SRPK1: variants seen among roughly 807,000 people sequenced by gnomAD.
SRPK1 encodes the protein SFRS protein kinase 1.
SRPK1 carries 52 observed loss-of-function variants against 89.5 expected under a neutral mutation model. The ratio of observed to expected loss-of-function variants is 0.58; its 90% CI spans 0.46 to 0.73. SRPK1 has a LOEUF of 0.73. Ranked by LOEUF, SRPK1 falls within the 30% of genes least tolerant of loss-of-function variation. The pLI, the probability that SRPK1 is intolerant of heterozygous loss-of-function variation, is 0.00. For synonymous variants in SRPK1, 255 were observed against 270.2 expected (o/e 0.94, Z 0.55); for missense variants, 603 against 780.6 (o/e 0.77, Z 2.71).
At chr6:35,860,027 A>T (rs1174459409) in intron 12 of SRPK1, among the ~76,000 whole-genome samples, 8 of 147,810 alleles carry the variant, frequency 5.4e-5, no homozygotes, top group African/African-American at 2.0e-4. Context: ...CCTGGCTAAT[A>T]TTTTTTTTTT....
chr6:35,891,145 A>G, intron 2 of SRPK1, 132 bp from the exon 3 acceptor site: 1 of 1,056,224 alleles, frequency 9.5e-7, no homozygotes, highest in Non-Finnish European at 1.3e-6. Flanking sequence ...GCAGCCTAGG[A>G]AAATATTAGC....
intron 2 of SRPK1, among the ~76,000 whole-genome samples, chr6:35,906,001 C>T (rs1770839721): frequency 6.6e-6 from 1 of 151,994 alleles, no homozygotes; most frequent in South Asian, 2.1e-4. Flanking sequence ...CTCCAAATAC[C>T]ATTTCCCACT....
intron 10 of SRPK1, 84 bp downstream of exon 10, chr6:35,870,197 G>GT: frequency 8.3e-7 from 1 of 1,200,204 alleles, no homozygotes; most frequent in Non-Finnish European, 1.2e-6. Flanking sequence ...TGTGTTGTAT[G>GT]TATGAAACCA....
Position 35,838,571 on chromosome 6 carries a change from G to A in SRPK1, c.1691-142C>T, listed in dbSNP as rs1459793608. ...CAGGCTTACTTTCTATCCTAAATGG[G>A]AAGAGGAAGACTCTATCCATCTAAT... is the stretch of plus-strand genomic sequence containing the variant. On this transcript the variant is annotated intron_variant, in intron 14 of 15. Coordinates refer to ENST00000373825, the MANE Select transcript of SRPK1 (RefSeq NM_003137.5). 2.9e-6 allele frequency: 4 copies of A among 1,389,020 alleles called. No individual in the cohort carries two copies. In the Admixed American group the frequency reaches 6.7e-5, roughly 23 times the overall value. 86.0% of individuals were successfully genotyped at this position (1,389,020 alleles called of 1,614,324 possible).
At chr6:35,845,123 G>A (rs186650953) in intron 13 of SRPK1, among the ~76,000 whole-genome samples, 5 of 152,300 alleles carry the variant, frequency 3.3e-5, no homozygotes, top group South Asian at 2.1e-4. Flanking sequence ...GGTTGCCAGC[G>A]AGTGGGGGAC....
chr6:35,840,051 C>T (rs565275651), intron 14 of SRPK1, among the ~76,000 whole-genome samples: 2 of 152,184 alleles, frequency 1.3e-5, no homozygotes, highest in African/African-American at 4.8e-5. Flanking sequence ...AAGCGATCCA[C>T]CCACCTCAGC....
intron 2 of SRPK1, among the ~76,000 whole-genome samples, chr6:35,900,071 T>C (rs899965811): frequency 7.3e-5 from 11 of 151,430 alleles, no homozygotes; most frequent in Non-Finnish European, 1.5e-4. Context: ...TTGTAAAATG[T>C]AGGGGAACCA....
intron 14 of SRPK1, among the ~76,000 whole-genome samples, chr6:35,839,448 C>G (rs1345471260): frequency 6.6e-6 from 1 of 152,244 alleles, no homozygotes; most frequent in Non-Finnish European, 1.5e-5. Flanking sequence ...CTTTTAATTT[C>G]TTCCTAAAAT....
At chr6:35,836,143 C>G (rs1769173746) in intron 15 of SRPK1, among the ~76,000 whole-genome samples, 2 of 152,188 alleles carry the variant, frequency 1.3e-5, no homozygotes, top group African/African-American at 4.8e-5. Context: ...AGCTCCACCT[C>G]CTGTCAGCTC....
At chr6:35,911,656 C>T (rs1770961956) in intron 2 of SRPK1, among the ~76,000 whole-genome samples, 1 of 151,824 alleles carries the variant, frequency 6.6e-6, no homozygotes, top group African/African-American at 2.4e-5. Flanking sequence ...GCCTTGAACT[C>T]CTGGGCCCAA....
chr6:35,857,759 C>T (rs549014283), intron 12 of SRPK1, among the ~76,000 whole-genome samples: 1 of 152,214 alleles, frequency 6.6e-6, no homozygotes, highest in East Asian at 1.9e-4. Context: ...TGAGCTACCA[C>T]ACCAAGGAAT....
intron 14 of SRPK1, 109 bp downstream of exon 14, chr6:35,842,426 T>C (rs1769329199): frequency 1.5e-6 from 1 of 662,082 alleles, no homozygotes. Context: ...GGGATTTACA[T>C]GTTTTGCACA....
At chr6:35,875,865 C>T (rs1770144280) in intron 6 of SRPK1, among the ~76,000 whole-genome samples, 1 of 152,006 alleles carries the variant, frequency 6.6e-6, no homozygotes, top group African/African-American at 2.4e-5. Flanking sequence ...AAGGCACTGC[C>T]TTAACCAAGT....
intron 2 of SRPK1, chr6:35,904,732 G>A (rs1342849856): frequency 6.1e-6 from 1 of 164,620 alleles, no homozygotes; most frequent in Non-Finnish European, 1.3e-5. Context: ...CAGGACCCGG[G>A]AGGTGGAGGT....
rs541048242 is a variant in SRPK1, at chr6:35,841,566, G to C, written c.1690+969C>G. Among the ~76,000 whole-genome samples, 564 of 152,208 alleles carry C rather than the reference G, an allele frequency of 3.7e-3. 2 individuals are homozygous for C. Among genetic ancestry groups the C allele is most frequent in the African/African-American group, 0.013 (528 of 41,532 alleles). On this transcript the variant is annotated intron_variant, in intron 14 of 15. Transcript: ENST00000373825. Reference sequence around the variant, plus strand: ...AACATTTTCTTGGCTGAGCGTGATGGCTCACGCCTGTAATCCCAGCACTTT... The same window carrying C: ...AACATTTTCTTGGCTGAGCGTGATGCCTCACGCCTGTAATCCCAGCACTTT...
In SRPK1 at chr6:35,857,464, T is replaced by C. The variant is rs1012693538; in HGVS notation, c.1513-96A>G. On this transcript the variant is annotated intron_variant, in intron 12 of 15. Coordinates refer to ENST00000373825, the MANE Select transcript of SRPK1 (RefSeq NM_003137.5). ...GGAGATGAAAATAAACTCTCTGAAG[T>C]TTTTCCCAAACCAAAGTTCTCACTT... 46 of 1,049,960 alleles carry C rather than the reference T, an allele frequency of 4.4e-5. No homozygotes were observed. In the African/African-American group the frequency reaches 7.1e-4, roughly 16 times the overall value. The allele number at this position is 1,049,960 out of a possible 1,614,324, so 65.0% of individuals were successfully genotyped here. A position where few individuals can be genotyped will look rare whatever the true frequency, so the allele number is the denominator to read the frequency against.
At chr6:35,864,079 T>C (rs548511834) in intron 12 of SRPK1, among the ~76,000 whole-genome samples, 1 of 152,276 alleles carries the variant, frequency 6.6e-6, no homozygotes, top group East Asian at 1.9e-4. Context: ...ATCTCAAACT[T>C]TGAAACTACT....
chr6:35,903,347 A>C (rs553870888), intron 2 of SRPK1, among the ~76,000 whole-genome samples: 1 of 152,180 alleles, frequency 6.6e-6, no homozygotes, highest in African/African-American at 2.4e-5. Flanking sequence ...CCCCACCTCT[A>C]CTGAAAATAC....
At chr6:35,842,719 G>C in intron 13 of SRPK1, 115 bp from the exon 14 acceptor site, 2 of 448,150 alleles carry the variant, frequency 4.5e-6, no homozygotes, top group Non-Finnish European at 7.3e-6. Context: ...AAAACTTATA[G>C]ATCATTTAAA....
Sources: allele counts gnomAD v4.1 joint callset (sites outside exome capture counted in the v4.1 genomes callset), GRCh38; gene constraint gnomAD v4.1.1; transcripts MANE v1.5; gene names NCBI Gene and HGNC (gene_info 2026-07-23, HGNC 2026-07-21).